OPCML: variants seen among roughly 807,000 people sequenced by gnomAD.
The protein encoded by OPCML is opioid binding protein/cell adhesion molecule like.
A neutral mutation model predicts 37.8 loss-of-function variants in OPCML; 13 were observed. That is an observed-to-expected ratio of 0.34 (90% CI 0.22 to 0.55). OPCML has a LOEUF of 0.55. Ranked by LOEUF, OPCML falls within the 20% of genes least tolerant of loss-of-function variation. The pLI is 0.91. For synonymous variants in OPCML, 176 were observed against 168.8 expected, an observed-to-expected ratio of 1.04 and a Z score of -0.33; for missense variants, 341 against 435.6, an observed-to-expected ratio of 0.78 and a Z score of 1.93.
intron 4 of OPCML, among the ~76,000 whole-genome samples, chr11:132,473,656 T>A (rs1165974896): frequency 6.6e-6 from 1 of 152,098 alleles, no homozygotes; most frequent in Non-Finnish European, 1.5e-5. Context: ...CTGGATTCTG[T>A]CTCTACAAAA....
rs1304550492 is a variant in OPCML, at chr11:133,203,350, G to T, written c.62-260340C>A. Among the ~76,000 whole-genome samples the T allele has an allele frequency of 2.6e-5, 4 of 152,178 alleles. No individual in the cohort carries two copies. The East Asian group carries it at 5.8e-4, about 22-fold the overall frequency. On this transcript the variant is annotated intron_variant, in intron 1 of 7. Transcript: ENST00000524381. ...GATTCTAAACTTATTTTACTAAGAA[G>T]GGGGAGTTGAATGTGAGTTCCTTTT...
At chr11:133,420,325 A>T in intron 1 of OPCML, 1 of 985,436 alleles carries the variant, frequency 1.0e-6, no homozygotes, top group Non-Finnish European at 1.2e-6. Flanking sequence ...CATGGAGAAG[A>T]TCCTTTTTAG....
chr11:133,486,394 C>T (rs1947525961), intron 1 of OPCML, among the ~76,000 whole-genome samples: 1 of 152,134 alleles, frequency 6.6e-6, no homozygotes, highest in Non-Finnish European at 1.5e-5. Context: ...AAGAATCTGT[C>T]TTCTTCCCTC....
At chr11:133,134,800 C>G (rs1330370253) in intron 1 of OPCML, among the ~76,000 whole-genome samples, 1 of 152,074 alleles carries the variant, frequency 6.6e-6, no homozygotes, top group Non-Finnish European at 1.5e-5. Flanking sequence ...GCCAGGAGGG[C>G]GCAGAGAGCT....
In OPCML at chr11:133,290,649, C is replaced by T. The variant is rs191502363; in HGVS notation, c.61+241615G>A. On this transcript the variant is annotated intron_variant, in intron 1 of 7. Coordinates refer to ENST00000524381, the MANE Select transcript of OPCML (RefSeq NM_001012393.5). The stretch of plus-strand genomic sequence containing the variant: ...TTTGGGATTGTGCCAGGAGATGTCA[C>T]CAGACAACAGAAGGAGGAGAGCAAA... 5.9e-5 allele frequency among the ~76,000 whole-genome samples: 9 copies of T among 152,260 alleles called. No individual in the cohort carries two copies. The East Asian group carries it at 1.5e-3, about 26-fold the overall frequency.
chr11:133,315,173 T>C (rs930084767), intron 1 of OPCML, among the ~76,000 whole-genome samples: 1 of 152,182 alleles, frequency 6.6e-6, no homozygotes, highest in African/African-American at 2.4e-5. Flanking sequence ...TTCAGACAGG[T>C]CCAGAAAAGC....
intron 1 of OPCML, among the ~76,000 whole-genome samples, chr11:133,443,744 T>C (rs1451489937): frequency 2.0e-5 from 3 of 152,204 alleles, no homozygotes; most frequent in African/African-American, 4.8e-5. Context: ...GCTGAGCCTC[T>C]GTCCTAGCTA....
At chr11:133,281,129 C>T (rs777267862) in intron 1 of OPCML, among the ~76,000 whole-genome samples, 2 of 152,128 alleles carry the variant, frequency 1.3e-5, no homozygotes, top group African/African-American at 4.8e-5. Context: ...ACTTTGGAAG[C>T]TTGGAAAGGG....
intron 1 of OPCML, among the ~76,000 whole-genome samples, chr11:133,494,802 C>T (rs1335175516): frequency 1.3e-5 from 2 of 149,614 alleles, no homozygotes; most frequent in African/African-American, 2.5e-5. Context: ...AGCACACCAA[C>T]ATGGCACATG....
chr11:132,747,250 G>A (rs952058287), intron 2 of OPCML, among the ~76,000 whole-genome samples: 17 of 152,136 alleles, frequency 1.1e-4, no homozygotes, highest in African/African-American at 4.1e-4. Context: ...TTTGGCCTAG[G>A]GTTTTCAGAG....
At chr11:132,618,779 A>C (rs1180071811) in intron 3 of OPCML, among the ~76,000 whole-genome samples, 1 of 152,172 alleles carries the variant, frequency 6.6e-6, no homozygotes, top group Admixed American at 6.5e-5. Flanking sequence ...CTATGTCTCC[A>C]GAACTTTCCC....
chr11:132,602,304 C>A (rs1235737029), intron 3 of OPCML, among the ~76,000 whole-genome samples: 2 of 152,188 alleles, frequency 1.3e-5, no homozygotes, highest in Non-Finnish European at 2.9e-5. Context: ...TTCTCACCTA[C>A]AAGATGTGTT....
At chr11:132,703,414 T>C in intron 2 of OPCML, among the ~76,000 whole-genome samples, 1 of 152,218 alleles carries the variant, frequency 6.6e-6, no homozygotes, top group East Asian at 1.9e-4. Context: ...TGTATGACTA[T>C]ACTGGTACTT....
chr11:132,692,370 A>T (rs1008538417), intron 2 of OPCML, among the ~76,000 whole-genome samples: 1 of 152,198 alleles, frequency 6.6e-6, no homozygotes, highest in Non-Finnish European at 1.5e-5. Context: ...CAGCTCATGC[A>T]TCTATAGGAT....
intron 4 of OPCML, among the ~76,000 whole-genome samples, chr11:132,480,335 A>G (rs2096175045): frequency 6.6e-6 from 1 of 152,192 alleles, no homozygotes; most frequent in African/African-American, 2.4e-5. Context: ...AATAAAAAGA[A>G]ACGAGTAAAG....
chr11:132,657,453 C>A, intron 2 of OPCML, 134 bp from the exon 3 acceptor site: 2 of 1,432,228 alleles, frequency 1.4e-6, no homozygotes. Context: ...TAAAAGGAAA[C>A]AATTATTGAT....
intron 2 of OPCML, among the ~76,000 whole-genome samples, chr11:132,711,470 C>T (rs532998548): frequency 7.2e-5 from 11 of 152,290 alleles, no homozygotes; most frequent in African/African-American, 2.2e-4. Flanking sequence ...ACATGAGTTG[C>T]GTGATTTTGA....
chr11:132,750,257 T>G (rs1019511036), intron 2 of OPCML, among the ~76,000 whole-genome samples: 1 of 152,196 alleles, frequency 6.6e-6, no homozygotes, highest in African/African-American at 2.4e-5. Context: ...ATTTATATAT[T>G]GAAAACTTAA....
At chr11:132,923,701 C>T (rs958694752) in intron 2 of OPCML, among the ~76,000 whole-genome samples, 2 of 149,734 alleles carry the variant, frequency 1.3e-5, no homozygotes, top group African/African-American at 4.9e-5. Context: ...CTACCTGCCT[C>T]TGTCAAACAG....
Sources: allele counts gnomAD v4.1 joint callset (sites outside exome capture counted in the v4.1 genomes callset), GRCh38; gene constraint gnomAD v4.1.1; transcripts MANE v1.5; gene names NCBI Gene and HGNC (gene_info 2026-07-23, HGNC 2026-07-21).